Variants in VWA5A observed in about 807,000 individuals in gnomAD.
VWA5A encodes von Willebrand factor A domain-containing protein 5A.
VWA5A carries 77 observed loss-of-function variants against 84.6 expected under a neutral mutation model. The observed-to-expected ratio is 0.91, with a 90% CI of 0.76 to 1.10. VWA5A has a LOEUF of 1.10. Ranked by LOEUF, VWA5A falls within the 50% of genes least tolerant of loss-of-function variation. The probability of loss-of-function intolerance (pLI) is 0.00; values close to 1 mark genes in which losing one functional copy is unlikely to be tolerated. For synonymous variants in VWA5A, 334 were observed against 350.1 expected, an observed-to-expected ratio of 0.95 and a Z score of 0.51; for missense variants, 973 against 963.0, an observed-to-expected ratio of 1.01 and a Z score of -0.14.
chr11:124,139,966 C>A (rs1860694915), intron 15 of VWA5A, among the ~76,000 whole-genome samples: 1 of 152,050 alleles, frequency 6.6e-6, no homozygotes, highest in Non-Finnish European at 1.5e-5. Context: ...TGTTGAGGTA[C>A]CTTACATCTA....
chr11:124,137,532 C>A (rs1860633545), intron 15 of VWA5A, among the ~76,000 whole-genome samples: 1 of 152,150 alleles, frequency 6.6e-6, no homozygotes, highest in South Asian at 2.1e-4. Context: ...CCCTGAGTAA[C>A]CAAACTGCCT....
chr11:124,136,110 G>C lies in VWA5A; in HGVS notation c.1360-19G>C, dbSNP rs1865177512. 1 of 1,611,542 alleles carries C rather than the reference G, an allele frequency of 6.2e-7. No individual in the cohort carries two copies. Among genetic ancestry groups the C allele is most frequent in the Non-Finnish European group, 8.5e-7 (1 of 1,178,422 alleles). On this transcript the variant is annotated intron_variant, in intron 12 of 18. Transcript: ENST00000456829. ...TGTCTGTATCATTTGTGTTTATTCT[G>C]TTCTCTTCCCCACATTAGGCTCTCA...
chr11:124,123,176 A>G, intron 8 of VWA5A, 47 bp downstream of exon 8: 1 of 1,587,714 alleles, frequency 6.3e-7, no homozygotes, highest in East Asian at 2.2e-5. Context: ...TCAAGTGAGG[A>G]TGAATCTGAG....
At chr11:124,144,623 T>C (rs1216536377) in intron 17 of VWA5A, among the ~76,000 whole-genome samples, 1 of 152,192 alleles carries the variant, frequency 6.6e-6, no homozygotes, top group African/African-American at 2.4e-5. Context: ...GGAATTTCCC[T>C]TGATCTCCTG....
intron 17 of VWA5A, among the ~76,000 whole-genome samples, chr11:124,144,882 G>A (rs1330417669): frequency 6.6e-6 from 1 of 151,982 alleles, no homozygotes; most frequent in African/African-American, 2.4e-5. Context: ...TCTTTGGTGG[G>A]GGGGTATAAG....
At chr11:124,127,332 C>T (rs1176088717) in intron 11 of VWA5A, among the ~76,000 whole-genome samples, 1 of 152,154 alleles carries the variant, frequency 6.6e-6, no homozygotes, top group Admixed American at 6.5e-5. Flanking sequence ...CGTGTCCCTG[C>T]AAAGGACATG....
intron 11 of VWA5A, among the ~76,000 whole-genome samples, chr11:124,127,570 A>G (rs1007617235): frequency 1.3e-5 from 2 of 152,226 alleles, no homozygotes; most frequent in African/African-American, 4.8e-5. Flanking sequence ...TTCTGGTTCT[A>G]GATCCTTGAG....
At chr11:124,130,923 T>G (rs1453405018) in intron 11 of VWA5A, among the ~76,000 whole-genome samples, 1 of 152,088 alleles carries the variant, frequency 6.6e-6, no homozygotes, top group African/African-American at 2.4e-5. Context: ...ATTCTGAAAT[T>G]TTTACTTATG....
chr11:124,129,097 G>C (rs1865060759), intron 11 of VWA5A, among the ~76,000 whole-genome samples: 1 of 152,210 alleles, frequency 6.6e-6, no homozygotes, highest in Non-Finnish European at 1.5e-5. Flanking sequence ...TACCCATTCA[G>C]TGTGATATTG....
chr11:124,127,735 G>T (rs1196123639), intron 11 of VWA5A, among the ~76,000 whole-genome samples: 1 of 152,156 alleles, frequency 6.6e-6, no homozygotes, highest in Non-Finnish European at 1.5e-5. Flanking sequence ...GTATCTCATT[G>T]TGGTTTTGAT....
intron 11 of VWA5A, 72 bp from the exon 12 acceptor site, chr11:124,134,848 G>T: frequency 9.0e-7 from 1 of 1,116,962 alleles, no homozygotes; most frequent in Non-Finnish European, 1.3e-6. Context: ...TGTATTTTTG[G>T]CCATTATGTA....
chr11:124,138,320 T>C (rs1860655918), intron 15 of VWA5A, among the ~76,000 whole-genome samples: 1 of 152,174 alleles, frequency 6.6e-6, no homozygotes, highest in African/African-American at 2.4e-5. Context: ...AGCAGTGGGA[T>C]TGCTGGATCA....
intron 17 of VWA5A, 84 bp downstream of exon 17, chr11:124,142,656 A>T: frequency 1.3e-6 from 2 of 1,555,036 alleles, no homozygotes; most frequent in Non-Finnish European, 8.7e-7. Flanking sequence ...GACCTACCTG[A>T]GGAAGGAAAA....
chr11:124,137,346 G>C, intron 15 of VWA5A, 78 bp downstream of exon 15: 1 of 1,518,032 alleles, frequency 6.6e-7, no homozygotes, highest in Non-Finnish European at 8.8e-7. Flanking sequence ...AAAGGAAAGG[G>C]CTGTGAAATG....
chr11:124,117,404 G>A, intron 2 of VWA5A, 93 bp from the exon 3 acceptor site: 1 of 1,197,306 alleles, frequency 8.4e-7, no homozygotes, highest in Non-Finnish European at 1.2e-6. Context: ...CCCTTTGAAT[G>A]TATTCTTATG....
chr11:124,117,333 T>G (rs554657865), intron 2 of VWA5A, 164 bp from the exon 3 acceptor site: 1 of 687,180 alleles, frequency 1.5e-6, no homozygotes, highest in Non-Finnish European at 2.5e-6. Flanking sequence ...AAAGGACCCT[T>G]ATGACTGAAA....
intron 13 of VWA5A, 94 bp downstream of exon 13, chr11:124,136,387 A>G (rs1860585862): frequency 2.6e-6 from 4 of 1,529,562 alleles, no homozygotes; most frequent in Non-Finnish European, 3.5e-6. Flanking sequence ...TCAGCCAGAG[A>G]CGGCACTTGC....
chr11:124,121,217 GA>G (rs2137631201), intron 7 of VWA5A, among the ~76,000 whole-genome samples: 1 of 152,018 alleles, frequency 6.6e-6, no homozygotes, highest in Admixed American at 6.5e-5. Context: ...ACGATATTAA[GA>G]ACATGTTTTT....
chr11:124,146,117 T>C lies in VWA5A; in HGVS notation c.*172T>C, dbSNP rs147840318. ...TGCTCCAGGTTCACTTTGGATATGA[T>C]CTTTCTTTTCCCAACATATGCCCTC... On this transcript the variant is annotated 3_prime_UTR_variant, in exon 19 of 19. Coordinates refer to ENST00000456829, the MANE Select transcript of VWA5A (RefSeq NM_001130142.2). 2.9e-4 allele frequency: 178 copies of C among 608,946 alleles called. No homozygotes were observed. The highest frequency in any genetic ancestry group is 7.3e-4 in the Admixed American group (22 of 30,044). 37.7% of individuals were successfully genotyped at this position (608,946 alleles called of 1,614,324 possible). A position where few individuals can be genotyped will look rare whatever the true frequency, so the allele number is the denominator to read the frequency against.
Sources: gnomAD v4.1 joint callset for allele counts (sites outside exome capture counted in the v4.1 genomes callset) on GRCh38, gnomAD v4.1.1 for gene constraint, MANE v1.5 for transcripts, NCBI Gene and HGNC (gene_info 2026-07-23, HGNC 2026-07-21) for gene names.